ZNF84: variants seen among roughly 807,000 people sequenced by gnomAD.
ZNF84 encodes zinc finger protein 84.
ZNF84 carries 12 observed loss-of-function variants against 14.8 expected under a neutral mutation model. The ratio of observed to expected loss-of-function variants is 0.81; its 90% CI spans 0.52 to 1.31. ZNF84 has a LOEUF of 1.31. Among genes scored for constraint, ZNF84 ranks in the 50% most tolerant of loss-of-function variants. The pLI is 0.00. For missense variants in ZNF84, 859 were observed against 878.6 expected (o/e 0.98, Z 0.28); for synonymous variants, 347 against 291.1 (o/e 1.19, Z -1.96).
chr12:133,049,700 C>T (rs2137377860), intron 4 of ZNF84, among the ~76,000 whole-genome samples: 1 of 152,200 alleles, frequency 6.6e-6, no homozygotes, highest in East Asian at 1.9e-4. Context: ...CCAGGCTGGT[C>T]TCAAACTCCT....
At chr12:133,052,552 C>G (rs1954089856) in intron 4 of ZNF84, among the ~76,000 whole-genome samples, 1 of 152,190 alleles carries the variant, frequency 6.6e-6, no homozygotes. Flanking sequence ...CCAGGCTCCT[C>G]TGAAACTCCA....
chr12:133,057,352 A>C lies in ZNF84; in HGVS notation c.637A>C (p.Arg213=), dbSNP rs1203270942. 3.7e-6 allele frequency: 6 copies of C among 1,613,794 alleles called. No homozygotes were observed. The African/African-American group carries it at 8.0e-5, about 22-fold the overall frequency. Residue 213 remains arginine (R), a synonymous_variant, in exon 5 of 5, where the codon AGG becomes CGG. Transcript: ENST00000539354. ...GEKLYECSEC[R]KRFSKKPSLI... ...GAAACTCTATGAATGCAGTGAATGT[A>C]GGAAGCGCTTCAGTAAGAAACCAAG...
Position 133,058,937 on chromosome 12 carries a change from A to G in ZNF84, c.*5A>G. ...CATACAGTAAAAAAATCCTAGGAAT[A>G]CAGTTAATAGTAGTCTTTGACAGAT... On this transcript the variant is annotated 3_prime_UTR_variant, in exon 5 of 5. Transcript: ENST00000539354. 6.3e-7 allele frequency: 1 copy of G among 1,587,306 alleles called. No individual in the cohort carries two copies. Among genetic ancestry groups the G allele is most frequent in the African/African-American group, 1.3e-5 (1 of 74,284 alleles).
intron 4 of ZNF84, among the ~76,000 whole-genome samples, chr12:133,052,047 C>G (rs934753827): frequency 1.9e-4 from 29 of 152,214 alleles, no homozygotes; most frequent in African/African-American, 6.7e-4. Context: ...AGTAAGTAAG[C>G]AGGAAAAAAT....
In ZNF84 at chr12:133,062,102, ATCTTT is replaced by A. The variant is rs1281736488; in HGVS notation, c.*3175_*3179del. On this transcript the variant is annotated 3_prime_UTR_variant, in exon 5 of 5. Transcript: ENST00000539354. ...AAGGAGGCCAAATACAGGAAGCATC[ATCTTT>A]TCTTATTCTCTTACTGCCTGGATTT... The A allele has an allele frequency of 2.6e-5, 4 of 152,242 alleles. No homozygotes were observed. Among genetic ancestry groups the A allele is most frequent in the Admixed American group, 2.6e-4 (4 of 15,280 alleles). The allele number at this position is 152,242 out of a possible 1,614,324, so 9.4% of individuals were successfully genotyped here.
intron 1 of ZNF84, among the ~76,000 whole-genome samples, chr12:133,038,584 T>A (rs1593691278): frequency 6.6e-6 from 1 of 151,910 alleles, no homozygotes; most frequent in East Asian, 1.9e-4. Context: ...GTGTCCGAAT[T>A]GTTCTTGAAC....
In ZNF84 at chr12:133,057,154, A is replaced by G. The variant is rs1954173709; in HGVS notation, c.439A>G (p.Lys147Glu). 6.2e-7 allele frequency: 1 copy of G among 1,611,026 alleles called. No individual in the cohort carries two copies. The highest frequency in any genetic ancestry group is 1.3e-5 in the African/African-American group (1 of 74,678). The change falls in exon 5 of 5, where the codon AAA becomes GAA. Residue 147 changes from lysine to glutamate, a missense_variant. Transcript: ENST00000539354. ...ACATCATTTAGATTTGCTTATTCCAAAAGGAGATTATGGAAAAGCAGAATC... is the reference window on the plus strand; with the variant it reads ...ACATCATTTAGATTTGCTTATTCCAGAAGGAGATTATGGAAAAGCAGAATC... ...LKHHLDLLIPKGDYGKAESDD... is the reference protein window; with the variant it reads ...LKHHLDLLIPEGDYGKAESDD...
Position 133,057,393 on chromosome 12 carries a change from G to A in ZNF84, c.678G>A (p.Gln226=). 3.7e-6 allele frequency: 6 copies of A among 1,614,128 alleles called. No homozygotes were observed. Among genetic ancestry groups the A allele is most frequent in the Non-Finnish European group, 5.1e-6 (6 of 1,180,040 alleles). The change falls in exon 5 of 5, where the codon CAG becomes CAA. Residue 226 remains glutamine, a synonymous_variant. Transcript: ENST00000539354. ...FSKKPSLIKH[Q]SRHIRDIAFG... ...AGAAACCAAGTCTCATTAAACATCA[G>A]AGCAGACATATAAGAGACATAGCCT...
chr12:133,055,279 A>G (rs1200839046), intron 4 of ZNF84, among the ~76,000 whole-genome samples: 2 of 152,150 alleles, frequency 1.3e-5, no homozygotes, highest in African/African-American at 4.8e-5. Context: ...GTAAACTCAA[A>G]AAACATCCTA....
chr12:133,043,390 C>T (rs1953919648), intron 2 of ZNF84, among the ~76,000 whole-genome samples: 1 of 152,098 alleles, frequency 6.6e-6, no homozygotes, highest in Non-Finnish European at 1.5e-5. Flanking sequence ...GTCGCGAACT[C>T]CTGAGCTCAG....
In ZNF84 at chr12:133,057,197, T is replaced by C; in HGVS notation, c.482T>C (p.Phe161Ser). 1 of 1,612,838 alleles carries C rather than the reference T, an allele frequency of 6.2e-7. No individual in the cohort carries two copies. Among genetic ancestry groups the C allele is most frequent in the South Asian group, 1.1e-5 (1 of 90,626 alleles). The change falls in exon 5 of 5, where the codon TTT (phenylalanine) becomes TCT (serine). Residue 161 changes from phenylalanine to serine, a missense_variant. Coordinates refer to ENST00000539354, the MANE Select transcript of ZNF84 (RefSeq NM_001289971.2). ...GKAESDDFNV[F>S]DNFFLHSKPE... ...GCAGAATCAGATGACTTTAATGTGT[T>C]TGATAATTTTTTTCTCCATTCCAAG...
At chr12:133,047,685 G>A (rs2137366677) in intron 2 of ZNF84, 1 of 277,484 alleles carries the variant, frequency 3.6e-6, no homozygotes, top group Middle Eastern at 1.3e-3. Flanking sequence ...GTTTACTATG[G>A]CACCTGTCTT....
intron 4 of ZNF84, among the ~76,000 whole-genome samples, chr12:133,055,669 A>G (rs1954142074): frequency 1.3e-5 from 2 of 152,252 alleles, no homozygotes; most frequent in Admixed American, 1.3e-4. Context: ...TTAATATGAT[A>G]CAATATTACT....
chr12:133,049,135 A>G (rs1954033264), intron 4 of ZNF84, among the ~76,000 whole-genome samples: 4 of 152,234 alleles, frequency 2.6e-5, no homozygotes, highest in African/African-American at 4.8e-5. Context: ...TTTGTAGCTT[A>G]AAATGAAATG....
At chr12:133,056,060 T>C (rs1275391402) in intron 4 of ZNF84, among the ~76,000 whole-genome samples, 1 of 152,190 alleles carries the variant, frequency 6.6e-6, no homozygotes, top group Non-Finnish European at 1.5e-5. Context: ...TATGGCAAGT[T>C]TAAATAAAAC....
At chr12:133,049,646 A>AT (rs1473836433) in intron 4 of ZNF84, among the ~76,000 whole-genome samples, 2 of 151,422 alleles carry the variant, frequency 1.3e-5, no homozygotes, top group Non-Finnish European at 1.5e-5. Context: ...TGCCCGGCTA[A>AT]TTTTTTTTGT....
Position 133,059,289 on chromosome 12 carries a change from A to G in ZNF84, c.*357A>G, listed in dbSNP as rs1243548196. 5.6e-6 allele frequency: 2 copies of G among 354,836 alleles called. No homozygotes were observed. Among genetic ancestry groups the G allele is most frequent in the African/African-American group, 4.2e-5 (2 of 47,842 alleles). The allele number at this position is 354,836 out of a possible 1,614,324, so 22.0% of individuals were successfully genotyped here. A position where few individuals can be genotyped will look rare whatever the true frequency, so the allele number is the denominator to read the frequency against. On this transcript the variant is annotated 3_prime_UTR_variant, in exon 5 of 5. Transcript: ENST00000539354. The stretch of plus-strand genomic sequence containing the variant: ...CCATGAATGCGGGAAATGAGGCAAT[A>G]TTTTTAAGAAATGACAGTTCATTGT...
chr12:133,040,233 A>G (rs1953862313), intron 1 of ZNF84, among the ~76,000 whole-genome samples: 2 of 151,992 alleles, frequency 1.3e-5, no homozygotes, highest in Non-Finnish European at 2.9e-5. Flanking sequence ...TTTTTAGTGT[A>G]GTTGACCAGA....
intron 4 of ZNF84, among the ~76,000 whole-genome samples, chr12:133,050,806 T>G (rs1416497680): frequency 6.6e-6 from 1 of 152,218 alleles, no homozygotes; most frequent in Non-Finnish European, 1.5e-5. Context: ...ATATATAATA[T>G]TTTTTAGAAG....
Sources: gnomAD v4.1 joint callset for allele counts (sites outside exome capture counted in the v4.1 genomes callset) on GRCh38, gnomAD v4.1.1 for gene constraint, MANE v1.5 for transcripts, NCBI Gene and HGNC (gene_info 2026-07-23, HGNC 2026-07-21) for gene names.